Variants in UGT1A4 observed in about 807,000 individuals in gnomAD.
UGT1A4 encodes UDP-glucuronosyltransferase 1A4.
A neutral mutation model predicts 41.1 loss-of-function variants in UGT1A4; 32 were observed. The observed-to-expected ratio is 0.78, with a 90% CI of 0.59 to 1.05. UGT1A4 has a LOEUF of 1.05. Ranked by LOEUF, UGT1A4 falls within the 50% of genes least tolerant of loss-of-function variation. The pLI, the probability that UGT1A4 is intolerant of heterozygous loss-of-function variation, is 0.00. For synonymous variants in UGT1A4, 283 were observed against 265.1 expected, an observed-to-expected ratio of 1.07 and a Z score of -0.66; for missense variants, 748 against 677.4, an observed-to-expected ratio of 1.10 and a Z score of -1.16.
intron 1 of UGT1A4, among the ~76,000 whole-genome samples, chr2:233,725,002 GC>G (rs1483949172): frequency 7.5e-6 from 1 of 134,040 alleles, no homozygotes; most frequent in African/African-American, 3.7e-5. Flanking sequence ...CTGGAGACCG[GC>G]CCGGCCAAAC....
In UGT1A4 at chr2:233,757,143, T is replaced by G. The variant is rs1451644825; in HGVS notation, c.868-9891T>G. ...GAGAGGAGGAATGAGCTTGGACAGG[T>G]GGGCTGGGGTCTATCCCAGAGTTTT... On this transcript the variant is annotated intron_variant, in intron 1 of 4. Coordinates refer to ENST00000373409, the MANE Select transcript of UGT1A4 (RefSeq NM_007120.3). 3.3e-5 allele frequency among the ~76,000 whole-genome samples: 5 copies of G among 150,656 alleles called. No individual in the cohort carries two copies. In the East Asian group the frequency reaches 7.9e-4, roughly 24 times the overall value.
chr2:233,768,582 C>CTTTT (rs139595073), intron 4 of UGT1A4, 143 bp downstream of exon 4: 40 of 1,033,114 alleles, frequency 3.9e-5, no homozygotes, highest in African/African-American at 2.8e-4. Context: ...TTTATTTCTT[C>CTTTT]TTTTTTTTTT....
intron 1 of UGT1A4, among the ~76,000 whole-genome samples, chr2:233,746,869 C>T (rs769029902): frequency 3.3e-5 from 5 of 151,744 alleles, no homozygotes; most frequent in African/African-American, 4.9e-5. Flanking sequence ...GCCTGATAAA[C>T]GTGGTTAACA....
intron 1 of UGT1A4, among the ~76,000 whole-genome samples, chr2:233,757,535 A>AATATATATACAT (rs376887521): frequency 1.6e-4 from 14 of 88,310 alleles, no homozygotes; most frequent in Middle Eastern, 5.7e-3. Flanking sequence ...GCCTGTAAGG[A>AATATATATACAT]ATATATATAT....
Position 233,772,725 on chromosome 2 carries a change from A to G in UGT1A4, c.*166A>G. ...AAATTCTCTTAAATAAAAATAATAG[A>G]CTCGCTAGTCAGTAAAGATATTTGA... On this transcript the variant is annotated 3_prime_UTR_variant, in exon 5 of 5. Coordinates refer to ENST00000373409, the MANE Select transcript of UGT1A4 (RefSeq NM_007120.3). The G allele has an allele frequency of 6.9e-7, 1 of 1,452,344 alleles. No homozygotes were observed. Among genetic ancestry groups the G allele is most frequent in the Non-Finnish European group, 9.0e-7 (1 of 1,105,170 alleles). The allele number at this position is 1,452,344 out of a possible 1,614,324, so 90.0% of individuals were successfully genotyped here.
At chr2:233,751,660 A>C (rs1210914952) in intron 1 of UGT1A4, among the ~76,000 whole-genome samples, 4 of 152,204 alleles carry the variant, frequency 2.6e-5, no homozygotes, top group Admixed American at 6.5e-5. Flanking sequence ...CATCCTACTG[A>C]GTGAGTTCTA....
At chr2:233,740,014 A>G (rs1487860646) in intron 1 of UGT1A4, among the ~76,000 whole-genome samples, 4 of 151,772 alleles carry the variant, frequency 2.6e-5, no homozygotes, top group South Asian at 2.1e-4. Flanking sequence ...GTGAGTTCTC[A>G]TGAGAGCTGA....
intron 1 of UGT1A4, among the ~76,000 whole-genome samples, chr2:233,765,362 C>T (rs923355848): frequency 3.3e-5 from 5 of 152,128 alleles, no homozygotes; most frequent in African/African-American, 7.2e-5. Context: ...AACCCAGATG[C>T]CCATCAATGG....
chr2:233,763,322 A>T (rs767434078), intron 1 of UGT1A4, among the ~76,000 whole-genome samples: 4 of 152,108 alleles, frequency 2.6e-5, no homozygotes, highest in Non-Finnish European at 5.9e-5. Context: ...CTTCTGTATT[A>T]TTTTTGTTTA....
chr2:233,751,386 C>G (rs1694713563), intron 1 of UGT1A4, among the ~76,000 whole-genome samples: 1 of 152,086 alleles, frequency 6.6e-6, no homozygotes, highest in African/African-American at 2.4e-5. Flanking sequence ...TGCCTTGTCT[C>G]AGATAAGACT....
chr2:233,719,003 C>A lies in UGT1A4; in HGVS notation c.183C>A (p.Leu61=). The A allele has an allele frequency of 6.2e-7, 1 of 1,614,256 alleles. No homozygotes were observed. The highest frequency in any genetic ancestry group is 8.5e-7 in the Non-Finnish European group (1 of 1,180,054). Residue 61 remains leucine, a synonymous_variant, in exon 1 of 5, where the codon CTC becomes CTA. Transcript: ENST00000373409. The part of the protein sequence containing the change: ...LHARGHQAVV[L]TPEVNMHIKE... ...CCAGAGGCCACCAGGCGGTGGTCCT[C>A]ACCCCAGAGGTGAATATGCACATCA...
intron 1 of UGT1A4, among the ~76,000 whole-genome samples, chr2:233,763,269 T>C (rs934722016): frequency 6.6e-6 from 1 of 152,266 alleles, no homozygotes; most frequent in Non-Finnish European, 1.5e-5. Context: ...TCTTGTTGCA[T>C]GTTTTAATCT....
At position 233,769,612 on chromosome 2, in the gene UGT1A4, G is replaced by A. The variant is rs1699905681; in HGVS notation, c.1307+1173G>A. ...GGAGACGGAACACGGGGACACACCA[G>A]CTTGAGCAAGGGACAACAGGGGAGG... On this transcript the variant is annotated intron_variant, in intron 4 of 4. Transcript: ENST00000373409. This position sits in a 1 kb window ranked among gnomAD's most constrained non-coding sequence, Gnocchi z 4.4. 1 of 1,612,734 alleles carries A rather than the reference G, an allele frequency of 6.2e-7. No homozygotes were observed. The highest frequency in any genetic ancestry group is 8.5e-7 in the Non-Finnish European group (1 of 1,179,852).
chr2:233,772,315 A>T lies in UGT1A4; in HGVS notation c.1361A>T (p.Glu454Val). The change falls in exon 5 of 5, where the codon GAG becomes GTG. Residue 454 changes from glutamate to valine, a missense_variant. Physicochemically the swap from Glu to Val is moderately radical, Grantham distance 121. Transcript: ENST00000373409. ...AGCCTTCACAAGGACCGCCCGGTGG[A>T]GCCGCTGGACCTGGCCGTGTTCTGG... ...LSSLHKDRPV[E>V]PLDLAVFWVE... is the part of the protein sequence containing the mutation. 1 of 1,614,114 alleles carries T rather than the reference A, an allele frequency of 6.2e-7. No individual in the cohort carries two copies. The highest frequency in any genetic ancestry group is 8.5e-7 in the Non-Finnish European group (1 of 1,180,032).
At chr2:233,738,563 C>T (rs899585698) in intron 1 of UGT1A4, among the ~76,000 whole-genome samples, 1 of 152,184 alleles carries the variant, frequency 6.6e-6, no homozygotes, top group African/African-American at 2.4e-5. Context: ...GATGAGGAAT[C>T]TGTTGAGAAC....
chr2:233,737,584 A>G (rs552596961), intron 1 of UGT1A4, among the ~76,000 whole-genome samples: 5 of 152,256 alleles, frequency 3.3e-5, no homozygotes, highest in South Asian at 4.2e-4. Context: ...ACCAGTCCCA[A>G]TGAGATGAAC....
At chr2:233,762,775 C>T (rs1417742267) in intron 1 of UGT1A4, among the ~76,000 whole-genome samples, 1 of 151,182 alleles carries the variant, frequency 6.6e-6, no homozygotes, top group African/African-American at 2.4e-5. Context: ...CTATCTCTAG[C>T]TGATTATCTA....
At chr2:233,747,246 G>T in intron 1 of UGT1A4, 1 of 1,601,988 alleles carries the variant, frequency 6.2e-7, no homozygotes, top group Non-Finnish European at 8.5e-7. Flanking sequence ...CCCTGCTGTG[G>T]CTGGCCACAG....
chr2:233,765,344 A>G (rs1008293425), intron 1 of UGT1A4, among the ~76,000 whole-genome samples: 8 of 152,240 alleles, frequency 5.3e-5, no homozygotes, highest in Non-Finnish European at 1.0e-4. Flanking sequence ...TAACAAAGTC[A>G]TGGAACCAAC....
Sources: gnomAD v4.1 joint callset for allele counts (sites outside exome capture counted in the v4.1 genomes callset) on GRCh38, gnomAD v4.1.1 for gene constraint, Gnocchi (gnomAD v3.1) non-coding constraint, MANE v1.5 for transcripts, NCBI Gene and HGNC (gene_info 2026-07-23, HGNC 2026-07-21) for gene names.